NFKB1: variants seen among roughly 807,000 people sequenced by gnomAD.
NFKB1 encodes the protein nuclear factor NF-kappa-B p105 subunit.
NFKB1 carries 9 observed loss-of-function variants against 105.1 expected under a neutral mutation model. That is an observed-to-expected ratio of 0.09 (90% CI 0.05 to 0.15). The LOEUF (loss-of-function observed/expected upper bound fraction) is 0.15. Ranked by LOEUF, NFKB1 falls within the 10% of genes least tolerant of loss-of-function variation. The probability of loss-of-function intolerance (pLI) is 1.00; values close to 1 mark genes in which losing one functional copy is unlikely to be tolerated. For missense variants in NFKB1, 830 were observed against 1,203.7 expected (o/e 0.69, Z 4.59); for synonymous variants, 440 against 442.2 (o/e 1.00, Z 0.06).
chr4:102,609,762 A>G (rs1176591787), intron 19 of NFKB1, among the ~76,000 whole-genome samples: 2 of 152,194 alleles, frequency 1.3e-5, no homozygotes, highest in South Asian at 4.1e-4. Context: ...ATCAAGAAAC[A>G]GCATGAAGAT....
intron 5 of NFKB1, among the ~76,000 whole-genome samples, chr4:102,566,474 A>G (rs1014267053): frequency 6.6e-6 from 1 of 152,188 alleles, no homozygotes; most frequent in African/African-American, 2.4e-5. Flanking sequence ...TTATAGCCAA[A>G]CTTCAGAACC....
intron 11 of NFKB1, among the ~76,000 whole-genome samples, chr4:102,592,728 C>A (rs1350860467): frequency 6.6e-6 from 1 of 152,172 alleles, no homozygotes; most frequent in Non-Finnish European, 1.5e-5. Context: ...CTGTACTAAA[C>A]TTTCACTTCA....
chr4:102,515,104 A>ATTTTTTTT lies in NFKB1; in HGVS notation c.-7-10406_-7-10405insTTTTTTTT, dbSNP rs761237095. Reference sequence around the variant, plus strand: ...AGTTCCATGTAATATTATTATTATTATTATTTTTTTTTTTTTTTTTTTTTG... The same window carrying ATTTTTTTT: ...AGTTCCATGTAATATTATTATTATTATTTTTTTTTTATTTTTTTTTTTTTTTTTTTTTG... On this transcript the variant is annotated intron_variant, in intron 1 of 23. Transcript: ENST00000226574. Among the ~76,000 whole-genome samples, 47 of 113,464 alleles carry ATTTTTTTT rather than the reference A, an allele frequency of 4.1e-4. 1 individual carries two copies. Among genetic ancestry groups the ATTTTTTTT allele is most frequent in the East Asian group, 1.1e-3 (4 of 3,800 alleles). The allele number at this position is 113,464 out of a possible 152,430, so 74.4% of individuals were successfully genotyped here.
At chr4:102,522,031 G>A (rs1032248513) in intron 1 of NFKB1, among the ~76,000 whole-genome samples, 5 of 152,112 alleles carry the variant, frequency 3.3e-5, no homozygotes, top group Admixed American at 2.0e-4. Flanking sequence ...ATTTACTATC[G>A]CCCTTTTGGC....
chr4:102,548,347 G>A (rs1475101134), intron 5 of NFKB1, among the ~76,000 whole-genome samples: 2 of 152,140 alleles, frequency 1.3e-5, no homozygotes, highest in African/African-American at 4.8e-5. Context: ...CAGTCAGGTA[G>A]GCTATATGTA....
Position 102,616,704 on chromosome 4 carries a change from C to A in NFKB1, c.*110C>A. On this transcript the variant is annotated 3_prime_UTR_variant, in exon 24 of 24. Transcript: ENST00000226574. ...AAAGGTGCTCAGAGAGCCGGCCCGC[C>A]TGAATCATTCTCGATTTAACTCGAG... The A allele has an allele frequency of 1.8e-6, 2 of 1,087,302 alleles. No homozygotes were observed. Among genetic ancestry groups the A allele is most frequent in the Non-Finnish European group, 2.6e-6 (2 of 769,376 alleles). The allele number at this position is 1,087,302 out of a possible 1,614,324, so 67.4% of individuals were successfully genotyped here.
At chr4:102,513,680 C>G (rs1478965097) in intron 1 of NFKB1, among the ~76,000 whole-genome samples, 1 of 152,026 alleles carries the variant, frequency 6.6e-6, no homozygotes. Context: ...TTTTTTCTCC[C>G]CCAATTTAAC....
At chr4:102,604,239 T>C (rs1727477175) in intron 16 of NFKB1, among the ~76,000 whole-genome samples, 1 of 152,154 alleles carries the variant, frequency 6.6e-6, no homozygotes, top group South Asian at 2.1e-4. Context: ...TCACATACAA[T>C]CCACATTATA....
At chr4:102,596,037 G>A (rs945779731) in intron 13 of NFKB1, 101 bp from the exon 14 acceptor site, 1 of 691,368 alleles carries the variant, frequency 1.4e-6, no homozygotes, top group Non-Finnish European at 2.3e-6. Context: ...TCCTTTTGCA[G>A]CAAACTTGTC....
At chr4:102,596,062 G>A in intron 13 of NFKB1, 76 bp from the exon 14 acceptor site, 1 of 966,564 alleles carries the variant, frequency 1.0e-6, no homozygotes, top group South Asian at 2.5e-5. Context: ...ACCTTTATCT[G>A]ACCTACATTG....
chr4:102,566,437 G>A (rs1055684603), intron 5 of NFKB1, among the ~76,000 whole-genome samples: 1 of 152,130 alleles, frequency 6.6e-6, no homozygotes, highest in African/African-American at 2.4e-5. Flanking sequence ...AGAGATGACT[G>A]GAGGCCAAGT....
Position 102,616,703 on chromosome 4 carries a change from C to G in NFKB1, c.*109C>G. On this transcript the variant is annotated 3_prime_UTR_variant, in exon 24 of 24. Coordinates refer to ENST00000226574, the MANE Select transcript of NFKB1 (RefSeq NM_003998.4). ...CAAAGGTGCTCAGAGAGCCGGCCCG[C>G]CTGAATCATTCTCGATTTAACTCGA... 1 of 1,115,748 alleles carries G rather than the reference C, an allele frequency of 9.0e-7. No homozygotes were observed. Among genetic ancestry groups the G allele is most frequent in the Non-Finnish European group, 1.3e-6 (1 of 793,550 alleles). 69.1% of individuals were successfully genotyped at this position (1,115,748 alleles called of 1,614,324 possible).
chr4:102,608,253 C>A (rs1046057381), intron 19 of NFKB1, among the ~76,000 whole-genome samples: 4 of 152,218 alleles, frequency 2.6e-5, no homozygotes, highest in African/African-American at 9.6e-5. Context: ...ACTTATTGAC[C>A]TTTCTGTGTA....
chr4:102,578,838 C>A, intron 7 of NFKB1, 43 bp from the exon 8 acceptor site: 1 of 1,576,230 alleles, frequency 6.3e-7, no homozygotes, highest in South Asian at 1.1e-5. Context: ...TTTAAATGTT[C>A]ACACTTCCCT....
chr4:102,511,483 T>G (rs1338450116), intron 1 of NFKB1, among the ~76,000 whole-genome samples: 3 of 152,138 alleles, frequency 2.0e-5, no homozygotes, highest in Non-Finnish European at 4.4e-5. Context: ...GAGACCAGCA[T>G]GGACAAAATA....
At chr4:102,604,234 T>C (rs757806103) in intron 16 of NFKB1, among the ~76,000 whole-genome samples, 5 of 152,196 alleles carry the variant, frequency 3.3e-5, no homozygotes, top group Non-Finnish European at 5.9e-5. Context: ...TACTCTCACA[T>C]ACAATCCACA....
chr4:102,538,535 G>A (rs964816775), intron 5 of NFKB1, among the ~76,000 whole-genome samples: 1 of 152,198 alleles, frequency 6.6e-6, no homozygotes, highest in African/African-American at 2.4e-5. Flanking sequence ...AAGTACCCTA[G>A]GGCCTTGGCC....
At chr4:102,505,951 AAG>A (rs1343537016) in intron 1 of NFKB1, among the ~76,000 whole-genome samples, 1 of 152,200 alleles carries the variant, frequency 6.6e-6, no homozygotes. Context: ...TCTGGAAAGA[AAG>A]GAGCACAAAA....
chr4:102,558,323 A>G (rs762259880), intron 5 of NFKB1, among the ~76,000 whole-genome samples: 43 of 152,148 alleles, frequency 2.8e-4, no homozygotes, highest in Non-Finnish European at 5.7e-4. Flanking sequence ...TTCTCGTGTT[A>G]GTTTGCTAAG....
Sources: gnomAD v4.1 joint callset for allele counts (sites outside exome capture counted in the v4.1 genomes callset) on GRCh38, gnomAD v4.1.1 for gene constraint, MANE v1.5 for transcripts, NCBI Gene and HGNC (gene_info 2026-07-23, HGNC 2026-07-21) for gene names.